The following BICD1 variants were observed in gnomAD, a reference collection of about 807,000 sequenced individuals.
BICD1 encodes protein bicaudal D homolog 1.
A neutral mutation model predicts 92.5 loss-of-function variants in BICD1; 35 were observed. The observed-to-expected ratio is 0.38, with a 90% CI of 0.29 to 0.50. The LOEUF (loss-of-function observed/expected upper bound fraction) is 0.50. Among genes scored for constraint, BICD1 ranks in the 20% least tolerant of loss-of-function variants. The pLI is 0.93. For synonymous variants in BICD1, 429 were observed against 465.1 expected (o/e 0.92, Z 1.00); for missense variants, 950 against 1,189.8 (o/e 0.80, Z 2.97).
chr12:32,310,916 C>T (rs1019130668), intron 4 of BICD1, among the ~76,000 whole-genome samples: 3 of 152,102 alleles, frequency 2.0e-5, no homozygotes, highest in African/African-American at 7.2e-5. Flanking sequence ...TCCATATACC[C>T]TTTCGGCCTT....
intron 2 of BICD1, among the ~76,000 whole-genome samples, chr12:32,220,850 T>C (rs1439206876): frequency 7.9e-6 from 1 of 126,330 alleles, no homozygotes; most frequent in Non-Finnish European, 1.6e-5. Flanking sequence ...AACCCAAATG[T>C]CCAACAATGA....
At chr12:32,171,026 T>G (rs754595853) in intron 1 of BICD1, among the ~76,000 whole-genome samples, 15 of 152,186 alleles carry the variant, frequency 9.9e-5, no homozygotes, top group Admixed American at 2.6e-4. Flanking sequence ...TATAGCAAAA[T>G]GATGAGAAAT....
At chr12:32,291,900 A>G (rs1346506997) in intron 2 of BICD1, among the ~76,000 whole-genome samples, 1 of 152,130 alleles carries the variant, frequency 6.6e-6, no homozygotes, top group Non-Finnish European at 1.5e-5. Context: ...ATATGTCGGA[A>G]AGTCAGGTAT....
intron 2 of BICD1, among the ~76,000 whole-genome samples, chr12:32,270,017 G>A (rs1251765073): frequency 6.6e-6 from 1 of 151,692 alleles, no homozygotes; most frequent in Admixed American, 6.6e-5. Context: ...AGCTACTCGG[G>A]AGGCCGAGGC....
intron 2 of BICD1, among the ~76,000 whole-genome samples, chr12:32,249,983 G>A (rs1946485643): frequency 6.6e-6 from 1 of 150,472 alleles, no homozygotes; most frequent in African/African-American, 2.5e-5. Flanking sequence ...AAGAAAGGAT[G>A]TTGGGAAAGC....
At chr12:32,139,005 G>T (rs1942820575) in intron 1 of BICD1, among the ~76,000 whole-genome samples, 1 of 152,166 alleles carries the variant, frequency 6.6e-6, no homozygotes, top group African/African-American at 2.4e-5. Context: ...GACCAGGAAG[G>T]TAGAGTTTGC....
intron 8 of BICD1, among the ~76,000 whole-genome samples, chr12:32,363,220 G>C (rs1263992713): frequency 6.6e-6 from 1 of 152,064 alleles, no homozygotes; most frequent in Non-Finnish European, 1.5e-5. Context: ...TAGATGCTTT[G>C]AGCTATAATA....
intron 2 of BICD1, among the ~76,000 whole-genome samples, chr12:32,252,061 T>TTTATAATAAATATTATATA (rs57154202): frequency 2.6e-5 from 2 of 77,862 alleles, no homozygotes; most frequent in South Asian, 7.6e-4. Context: ...ATATTATATA[T>TTTATAATAAATATTATATA]TATATATTTA....
chr12:32,208,761 GC>G (rs2121549778), intron 1 of BICD1, among the ~76,000 whole-genome samples: 1 of 152,272 alleles, frequency 6.6e-6, no homozygotes, highest in African/African-American at 2.4e-5. Context: ...AACATGTTTA[GC>G]TAGGTTCTTC....
At chr12:32,353,431 A>T (rs1384659424) in intron 8 of BICD1, 3 of 152,150 alleles carry the variant, frequency 2.0e-5, no homozygotes, top group Admixed American at 6.6e-5. Flanking sequence ...ATTACATGTT[A>T]TAAGTCTTTC....
At chr12:32,190,846 G>T (rs1944544231) in intron 1 of BICD1, among the ~76,000 whole-genome samples, 5 of 152,096 alleles carry the variant, frequency 3.3e-5, no homozygotes, top group Admixed American at 3.3e-4. Context: ...TATATGTTGG[G>T]CCACAAAACA....
chr12:32,183,050 C>G (rs2121525486), intron 1 of BICD1, among the ~76,000 whole-genome samples: 1 of 151,426 alleles, frequency 6.6e-6, no homozygotes, highest in Non-Finnish European at 1.5e-5. Flanking sequence ...CACCAGTGCA[C>G]TCAGCTCATT....
intron 2 of BICD1, among the ~76,000 whole-genome samples, chr12:32,293,203 T>C (rs566656912): frequency 5.9e-5 from 9 of 152,368 alleles, no homozygotes; most frequent in East Asian, 3.9e-4. Flanking sequence ...GTGTGTTCCC[T>C]GTATTTCTAA....
intron 1 of BICD1, among the ~76,000 whole-genome samples, chr12:32,153,209 G>A (rs549328382): frequency 1.5e-3 from 231 of 152,198 alleles, no homozygotes; most frequent in African/African-American, 5.2e-3. Flanking sequence ...TAGAATAATG[G>A]CCTCCAGCTG....
At chr12:32,354,622 C>G (rs1592713610) in intron 8 of BICD1, among the ~76,000 whole-genome samples, 1 of 152,076 alleles carries the variant, frequency 6.6e-6, no homozygotes, top group Non-Finnish European at 1.5e-5. Flanking sequence ...TCTGTGGGTA[C>G]TTTTAGAATA....
intron 8 of BICD1, among the ~76,000 whole-genome samples, chr12:32,349,782 G>T (rs1387330495): frequency 6.6e-6 from 1 of 152,158 alleles, no homozygotes; most frequent in East Asian, 1.9e-4. Flanking sequence ...TGTGTGTTGT[G>T]AACTGAGTAG....
At chr12:32,273,407 G>A (rs958543766) in intron 2 of BICD1, among the ~76,000 whole-genome samples, 1 of 152,216 alleles carries the variant, frequency 6.6e-6, no homozygotes, top group Non-Finnish European at 1.5e-5. Context: ...AGCAGACACA[G>A]AGGGGGCTGA....
chr12:32,157,431 T>C (rs1009333110), intron 1 of BICD1, among the ~76,000 whole-genome samples: 5 of 152,224 alleles, frequency 3.3e-5, no homozygotes, highest in African/African-American at 1.2e-4. Flanking sequence ...TGATTACTTT[T>C]GGATACTTTG....
intron 8 of BICD1, among the ~76,000 whole-genome samples, chr12:32,346,225 A>T (rs1938560448): frequency 6.6e-6 from 1 of 151,774 alleles, no homozygotes; most frequent in Admixed American, 6.6e-5. Flanking sequence ...CCATAATGTG[A>T]TCATTTCAAC....
Sources: allele counts gnomAD v4.1 joint callset (sites outside exome capture counted in the v4.1 genomes callset), GRCh38; gene constraint gnomAD v4.1.1; transcripts MANE v1.5; gene names NCBI Gene and HGNC (gene_info 2026-07-23, HGNC 2026-07-21).